SERPINI1: variants seen among roughly 807,000 people sequenced by gnomAD.
SERPINI1 encodes neuroserpin.
Under a neutral mutation model 41.1 loss-of-function variants are expected in SERPINI1, and 19 were observed. That is an observed-to-expected ratio of 0.46 (90% CI 0.32 to 0.68). The LOEUF (loss-of-function observed/expected upper bound fraction) is 0.68, where lower values mean the gene tolerates loss of function less well. Ranked by LOEUF, SERPINI1 falls within the 30% of genes least tolerant of loss-of-function variation. The pLI is 0.03. For synonymous variants in SERPINI1, 138 were observed against 156.6 expected (o/e 0.88, Z 0.89); for missense variants, 460 against 479.2 (o/e 0.96, Z 0.37).
At chr3:167,740,157 C>G (rs964226632) in intron 1 of SERPINI1, among the ~76,000 whole-genome samples, 2 of 151,946 alleles carry the variant, frequency 1.3e-5, no homozygotes, top group African/African-American at 2.4e-5. Context: ...CGCAGACTCC[C>G]CAGTAGCTAA....
At chr3:167,779,690 C>A (rs11923358) in intron 1 of SERPINI1, among the ~76,000 whole-genome samples, 1,557 of 152,276 alleles carry the variant, frequency 0.01, 26 homozygotes, top group African/African-American at 0.036. Context: ...TAAATTAACT[C>A]TTCATATATT....
At chr3:167,823,734 T>C (rs866245301) in intron 7 of SERPINI1, among the ~76,000 whole-genome samples, 2 of 152,246 alleles carry the variant, frequency 1.3e-5, no homozygotes, top group South Asian at 4.1e-4. Context: ...CCACTAACTA[T>C]CCCAACATAC....
intron 4 of SERPINI1, among the ~76,000 whole-genome samples, chr3:167,793,838 A>ATGTATG (rs1553774888): frequency 7.1e-6 from 1 of 141,238 alleles, no homozygotes; most frequent in African/African-American, 2.7e-5. Flanking sequence ...GGCCATATGT[A>ATGTATG]TGTGTGTGTG....
intron 5 of SERPINI1, among the ~76,000 whole-genome samples, chr3:167,804,579 T>C (rs544804478): frequency 1.9e-4 from 29 of 152,316 alleles, no homozygotes; most frequent in Non-Finnish European, 3.7e-4. Flanking sequence ...ATGTCTGTAG[T>C]CCTAGCTACT....
In SERPINI1 at chr3:167,807,358, A is replaced by G. The variant is rs748427516; in HGVS notation, c.979+17A>G. The G allele has an allele frequency of 6.9e-7, 1 of 1,441,414 alleles. No homozygotes were observed. The highest frequency in any genetic ancestry group is 9.8e-7 in the Non-Finnish European group (1 of 1,024,262). 89.3% of individuals were successfully genotyped at this position (1,441,414 alleles called of 1,614,324 possible). A position where few individuals can be genotyped will look rare whatever the true frequency, so the allele number is the denominator to read the frequency against. ...GCCTCTCTGGTAAGAAATAAACACAAATTTTTAAAAATGTTATTCCATAAG... is the reference window on the plus strand; with the variant it reads ...GCCTCTCTGGTAAGAAATAAACACAGATTTTTAAAAATGTTATTCCATAAG... On this transcript the variant is annotated intron_variant, in intron 6 of 8. Coordinates refer to ENST00000446050, the MANE Select transcript of SERPINI1 (RefSeq NM_001122752.2).
intron 1 of SERPINI1, among the ~76,000 whole-genome samples, chr3:167,785,081 A>T (rs895248704): frequency 3.9e-5 from 6 of 152,084 alleles, no homozygotes; most frequent in Admixed American, 3.3e-4. Context: ...TCTCTACTAA[A>T]AATACAAAAA....
At chr3:167,738,640 C>T (rs1318273334) in intron 1 of SERPINI1, among the ~76,000 whole-genome samples, 1 of 151,858 alleles carries the variant, frequency 6.6e-6, no homozygotes. Flanking sequence ...TACTGGGATA[C>T]ATTACTTTTC....
intron 3 of SERPINI1, among the ~76,000 whole-genome samples, chr3:167,791,720 C>A (rs987218435): frequency 2.5e-4 from 38 of 152,220 alleles, no homozygotes; most frequent in Non-Finnish European, 1.2e-4. Flanking sequence ...AACTGGCTTT[C>A]ATTCATCTGT....
chr3:167,753,380 C>T (rs1166352143), intron 1 of SERPINI1, among the ~76,000 whole-genome samples: 3 of 152,124 alleles, frequency 2.0e-5, no homozygotes, highest in Non-Finnish European at 4.4e-5. Flanking sequence ...AGTAAATGAA[C>T]TGTTTCCTCT....
At chr3:167,752,723 C>G (rs1726082362) in intron 1 of SERPINI1, among the ~76,000 whole-genome samples, 4 of 151,968 alleles carry the variant, frequency 2.6e-5, no homozygotes, top group African/African-American at 9.7e-5. Flanking sequence ...TAACCTAGCC[C>G]CTACCTCATA....
intron 6 of SERPINI1, among the ~76,000 whole-genome samples, chr3:167,814,192 G>T (rs1167470079): frequency 6.6e-6 from 1 of 151,956 alleles, no homozygotes; most frequent in Non-Finnish European, 1.5e-5. Context: ...CTTTTTTATT[G>T]TTCTTTTATT....
chr3:167,772,864 C>CTCTCTATATATATA lies in SERPINI1; in HGVS notation c.-18-16246_-18-16245insCTCTATATATATAT, dbSNP rs1374013676. On this transcript the variant is annotated intron_variant, in intron 1 of 8. Transcript: ENST00000446050. ...TCTCTCTCTCTCTCTCTCTCTCTCT[C>CTCTCTATATATATA]TATATATATATATATATATATATAT... 1.1e-3 allele frequency among the ~76,000 whole-genome samples: 26 copies of CTCTCTATATATATA among 24,590 alleles called. 1 individual carries two copies. The highest frequency in any genetic ancestry group is 1.3e-3 in the Admixed American group (2 of 1,582). The allele number at this position is 24,590 out of a possible 152,430, so 16.1% of individuals were successfully genotyped here. A position where few individuals can be genotyped will look rare whatever the true frequency, so the allele number is the denominator to read the frequency against.
At position 167,792,878 on chromosome 3, in the gene SERPINI1, A is replaced by T; in HGVS notation, c.676+94A>T. On this transcript the variant is annotated intron_variant, in intron 4 of 8. Coordinates refer to ENST00000446050, the MANE Select transcript of SERPINI1 (RefSeq NM_001122752.2). ...AGCATTCATATTCAAACTCCTTGTC[A>T]ATCTAATTTGGGCTACAATTCAATT... 3 of 1,099,572 alleles carry T rather than the reference A, an allele frequency of 2.7e-6. No homozygotes were observed. The Admixed American group carries it at 5.5e-5, about 20-fold the overall frequency. 68.1% of individuals were successfully genotyped at this position (1,099,572 alleles called of 1,614,324 possible).
chr3:167,794,211 T>G (rs6765204), intron 4 of SERPINI1, among the ~76,000 whole-genome samples: 68,159 of 151,798 alleles, frequency 0.45, 16,234 homozygotes, highest in African/African-American at 0.61. Flanking sequence ...AAAATAAAAA[T>G]CAAGTCTTGA....
chr3:167,770,881 G>A (rs956667598), intron 1 of SERPINI1, among the ~76,000 whole-genome samples: 1 of 152,064 alleles, frequency 6.6e-6, no homozygotes, highest in Non-Finnish European at 1.5e-5. Flanking sequence ...CAACTGTCCT[G>A]TACATTTTCC....
intron 4 of SERPINI1, among the ~76,000 whole-genome samples, chr3:167,793,596 A>ATATATATATATATTTTTTTT: frequency 2.8e-5 from 4 of 140,608 alleles, no homozygotes; most frequent in African/African-American, 1.1e-4. Context: ...ATATATATAT[A>ATATATATATATATTTTTTTT]TTTTTAATTA....
Position 167,783,715 on chromosome 3 carries a change from A to G in SERPINI1, c.-18-5396A>G, listed in dbSNP as rs151203428. Among the ~76,000 whole-genome samples, 167 of 152,296 alleles carry G rather than the reference A, an allele frequency of 1.1e-3. 2 individuals are homozygous for G. Among genetic ancestry groups the G allele is most frequent in the African/African-American group, 3.9e-3 (161 of 41,566 alleles). On this transcript the variant is annotated intron_variant, in intron 1 of 8. Transcript: ENST00000446050. ...AAAATAACCACCCAACATTCAGGAGAAGTCAGAGGTAGCAGAGGCAAAGGA... is the reference window on the plus strand; with the variant it reads ...AAAATAACCACCCAACATTCAGGAGGAGTCAGAGGTAGCAGAGGCAAAGGA...
chr3:167,749,009 C>T (rs1171702467), intron 1 of SERPINI1, among the ~76,000 whole-genome samples: 2 of 151,968 alleles, frequency 1.3e-5, no homozygotes, highest in African/African-American at 4.8e-5. Context: ...AAAATGTAAC[C>T]GTTGTAAATG....
At chr3:167,804,437 C>A (rs1351478836) in intron 5 of SERPINI1, among the ~76,000 whole-genome samples, 1 of 152,146 alleles carries the variant, frequency 6.6e-6, no homozygotes, top group East Asian at 1.9e-4. Flanking sequence ...TATTTATAAT[C>A]TGTATTAATT....
Sources: gnomAD v4.1 joint callset for allele counts (sites outside exome capture counted in the v4.1 genomes callset) on GRCh38, gnomAD v4.1.1 for gene constraint, MANE v1.5 for transcripts, NCBI Gene and HGNC (gene_info 2026-07-23, HGNC 2026-07-21) for gene names.